Variants in CTXND1 observed in about 807,000 individuals in gnomAD.
CTXND1 encodes cortexin domain-containing 1 protein.
At position 80,238,249 on chromosome 15, in the gene CTXND1, G is replaced by C. The variant is rs533444403; in HGVS notation, c.-218+13758C>G. Among the ~76,000 whole-genome samples the C allele has an allele frequency of 2.0e-5, 3 of 152,154 alleles. No individual in the cohort carries two copies. In the South Asian group the frequency reaches 6.2e-4, roughly 32 times the overall value. On this transcript the variant is annotated intron_variant, in intron 1 of 2. Coordinates refer to ENST00000560778, the MANE Select transcript of CTXND1 (RefSeq NM_001352888.2). ...GTCCTGCAAGTTCCATTTATGGTAA[G>C]TGTCCTGCACAGGTGTACCACTTAT...
intron 1 of CTXND1, among the ~76,000 whole-genome samples, chr15:80,243,479 A>G (rs555793976): frequency 3.2e-4 from 49 of 152,244 alleles, no homozygotes; most frequent in African/African-American, 1.2e-3. Context: ...GAACCTTGCA[A>G]TGGTAGAGTC....
chr15:80,217,913 T>C (rs559690733), intron 1 of CTXND1, among the ~76,000 whole-genome samples: 8 of 152,362 alleles, frequency 5.3e-5, no homozygotes, highest in African/African-American at 1.9e-4. Flanking sequence ...AAACACCCTG[T>C]GTGACTTGGA....
intron 1 of CTXND1, among the ~76,000 whole-genome samples, chr15:80,249,507 T>A (rs1206070606): frequency 6.6e-6 from 1 of 152,224 alleles, no homozygotes; most frequent in Non-Finnish European, 1.5e-5. Context: ...GATAATTAAA[T>A]GATGGAATAT....
At chr15:80,236,204 G>A (rs963516650) in intron 1 of CTXND1, among the ~76,000 whole-genome samples, 12 of 151,672 alleles carry the variant, frequency 7.9e-5, no homozygotes, top group African/African-American at 1.9e-4. Flanking sequence ...AGGTTGGCCC[G>A]CTGCTCGTTT....
At chr15:80,236,273 T>C (rs943010470) in intron 1 of CTXND1, among the ~76,000 whole-genome samples, 2 of 152,024 alleles carry the variant, frequency 1.3e-5, no homozygotes. Context: ...AACAAAACGA[T>C]TAAAATCATG....
chr15:80,204,603 A>C (rs913086672), intron 1 of CTXND1, among the ~76,000 whole-genome samples: 1 of 148,988 alleles, frequency 6.7e-6, no homozygotes, highest in African/African-American at 2.5e-5. Context: ...ATATTGTAGC[A>C]TGTCAGAATT....
chr15:80,209,574 G>C (rs911234234), intron 1 of CTXND1, among the ~76,000 whole-genome samples: 1 of 152,226 alleles, frequency 6.6e-6, no homozygotes, highest in African/African-American at 2.4e-5. Context: ...TTGTCAAAGC[G>C]TGAAGGTGTA....
intron 1 of CTXND1, among the ~76,000 whole-genome samples, chr15:80,227,814 T>C (rs1280401342): frequency 6.6e-6 from 1 of 152,182 alleles, no homozygotes; most frequent in Non-Finnish European, 1.5e-5. Flanking sequence ...AGGGTGGCGG[T>C]TACTGAAGAT....
intron 1 of CTXND1, among the ~76,000 whole-genome samples, chr15:80,211,751 T>G (rs1213995755): frequency 6.6e-6 from 1 of 152,150 alleles, no homozygotes; most frequent in African/African-American, 2.4e-5. Flanking sequence ...AGAGGGGTAT[T>G]TCTGCTGAGA....
At chr15:80,246,283 G>A (rs1426817224) in intron 1 of CTXND1, among the ~76,000 whole-genome samples, 1 of 152,194 alleles carries the variant, frequency 6.6e-6, no homozygotes, top group African/African-American at 2.4e-5. Flanking sequence ...ATGAGATCAA[G>A]TAAGAATAGA....
rs1176660048 is a variant in CTXND1 at position 80,198,288 on chromosome 15, A to G, written c.*3482T>C. On this transcript the variant is annotated 3_prime_UTR_variant, in exon 3 of 3. Transcript: ENST00000560778. ...TACAAGCAACAACTTAAAACTGGCC[A>G]CTAGGCACCATTGCCTGGAAAACCC... 2 of 152,288 alleles carry G rather than the reference A, an allele frequency of 1.3e-5. No homozygotes were observed. The allele number at this position is 152,288 out of a possible 1,614,324, so 9.4% of individuals were successfully genotyped here. A position where few individuals can be genotyped will look rare whatever the true frequency, so the allele number is the denominator to read the frequency against.
At chr15:80,236,553 C>T (rs538750604) in intron 1 of CTXND1, among the ~76,000 whole-genome samples, 59 of 151,714 alleles carry the variant, frequency 3.9e-4, no homozygotes, top group African/African-American at 1.4e-3. Flanking sequence ...GAGGCTGAGG[C>T]GGGTGGATCA....
intron 1 of CTXND1, among the ~76,000 whole-genome samples, chr15:80,212,701 T>C (rs1300613758): frequency 6.6e-6 from 1 of 152,104 alleles, no homozygotes; most frequent in African/African-American, 2.4e-5. Context: ...CCACGACATA[T>C]ATGGGAGATC....
rs1228388280 is a variant in CTXND1, at chr15:80,203,714, C to G, written c.-191G>C. Reference sequence around the variant, plus strand: ...CCTTTCACTGAGAGCAGGCACTGTGCTGGCTCGTGGGGGCGCTGGAGTGTG... The same window carrying G: ...CCTTTCACTGAGAGCAGGCACTGTGGTGGCTCGTGGGGGCGCTGGAGTGTG... On this transcript the variant is annotated 5_prime_UTR_variant, in exon 2 of 3. Coordinates refer to ENST00000560778, the MANE Select transcript of CTXND1 (RefSeq NM_001352888.2). 1 of 152,248 alleles carries G rather than the reference C, an allele frequency of 6.6e-6. No homozygotes were observed. The highest frequency in any genetic ancestry group is 1.9e-4 in the East Asian group (1 of 5,158). The allele number at this position is 152,248 out of a possible 1,614,324, so 9.4% of individuals were successfully genotyped here.
intron 1 of CTXND1, among the ~76,000 whole-genome samples, chr15:80,247,761 A>G (rs1210970967): frequency 1.3e-5 from 2 of 152,220 alleles, no homozygotes; most frequent in Non-Finnish European, 2.9e-5. Context: ...TTCACAGTTT[A>G]GTTTCCTAAA....
At chr15:80,234,074 G>C (rs1278985778) in intron 1 of CTXND1, among the ~76,000 whole-genome samples, 1 of 152,212 alleles carries the variant, frequency 6.6e-6, no homozygotes, top group East Asian at 1.9e-4. Flanking sequence ...GAGTGAGCCT[G>C]GGTCTTCTCC....
chr15:80,198,446 A>G lies in CTXND1; in HGVS notation c.*3324T>C, dbSNP rs2041431509. ...CTTGTCTGCCAACTTCTAGCCTTCA[A>G]TACTTCTGTGCATTTCTTTTGCAGA... On this transcript the variant is annotated 3_prime_UTR_variant, in exon 3 of 3. Transcript: ENST00000560778. 1 of 152,234 alleles carries G rather than the reference A, an allele frequency of 6.6e-6. No individual in the cohort carries two copies. Among genetic ancestry groups the G allele is most frequent in the Admixed American group, 6.5e-5 (1 of 15,284 alleles). 9.4% of individuals were successfully genotyped at this position (152,234 alleles called of 1,614,324 possible). A position where few individuals can be genotyped will look rare whatever the true frequency, so the allele number is the denominator to read the frequency against.
At chr15:80,248,562 G>A (rs535833342) in intron 1 of CTXND1, among the ~76,000 whole-genome samples, 4 of 152,268 alleles carry the variant, frequency 2.6e-5, no homozygotes, top group Non-Finnish European at 5.9e-5. Flanking sequence ...CTGAGGCCTC[G>A]TTCTGGCTCC....
rs1208355994 is a variant in CTXND1 at position 80,201,857 on chromosome 15, C to T, written c.93G>A (p.Val31=). 5.0e-6 allele frequency: 2 copies of T among 398,758 alleles called. No homozygotes were observed. Among genetic ancestry groups the T allele is most frequent in the African/African-American group, 4.1e-5 (2 of 48,650 alleles). The allele number at this position is 398,758 out of a possible 1,614,324, so 24.7% of individuals were successfully genotyped here. ...TGACCTTGGCACAGCGGATGATCAT[C>T]ACGACAAGGAAGAGGCAGAGGAAGA... ...CFVFLCLFLV[V]MIIRCAKVIM... The change falls in exon 3 of 3, where the codon GTG becomes GTA. Residue 31 remains valine, a synonymous_variant. Transcript: ENST00000560778.
Sources: gnomAD v4.1 joint callset for allele counts (sites outside exome capture counted in the v4.1 genomes callset) on GRCh38, gnomAD v4.1.1 for gene constraint, MANE v1.5 for transcripts, NCBI Gene and HGNC (gene_info 2026-07-23, HGNC 2026-07-21) for gene names.